Variants in P3H2 observed in about 807,000 individuals in gnomAD.
P3H2 encodes prolyl 3-hydroxylase 2, also known as leprecan-like 1.
Under a neutral mutation model 87.0 loss-of-function variants are expected in P3H2, and 80 were observed. The ratio of observed to expected loss-of-function variants is 0.92; its 90% CI spans 0.77 to 1.11. P3H2 has a LOEUF of 1.11. P3H2 is among the 50% of genes least tolerant of loss of function. P3H2 has a pLI of 0.00. For synonymous variants in P3H2, 367 were observed against 359.3 expected, an observed-to-expected ratio of 1.02 and a Z score of -0.24; for missense variants, 1,001 against 923.9, an observed-to-expected ratio of 1.08 and a Z score of -1.08.
rs892959464 is a variant in P3H2, at chr3:190,097,841, T to C, written c.480+22411A>G. Among the ~76,000 whole-genome samples the C allele has an allele frequency of 9.9e-5, 15 of 152,076 alleles. No individual in the cohort carries two copies. In the South Asian group the frequency reaches 1.9e-3, roughly 19 times the overall value. ...AAGGCATGCATGAGTCTGGAATGTA[T>C]TAAAGGAGGTCAGAGGCCTTAAACC... On this transcript the variant is annotated intron_variant, in intron 1 of 14. Coordinates refer to ENST00000319332, the MANE Select transcript of P3H2 (RefSeq NM_018192.4).
intron 1 of P3H2, among the ~76,000 whole-genome samples, chr3:190,016,521 G>A (rs971500616): frequency 2.0e-5 from 3 of 152,190 alleles, no homozygotes; most frequent in African/African-American, 7.2e-5. Context: ...TGGGATTACA[G>A]GCATGAGCCA....
intron 1 of P3H2, among the ~76,000 whole-genome samples, chr3:190,066,158 T>TACACACACACAC (rs796289092): frequency 4.5e-4 from 60 of 134,202 alleles, no homozygotes; most frequent in African/African-American, 1.6e-3. Flanking sequence ...TATATATATA[T>TACACACACACAC]ACACACACAC....
rs770166850 is a variant in P3H2 at position 189,995,457 on chromosome 3, A to T, written c.481-15T>A. On this transcript the variant is annotated splice_polypyrimidine_tract_variant and intron_variant, in intron 1 of 14. Transcript: ENST00000319332. ...AGCTGGTTAAGCTAAAGAGAAAAAA[A>T]AATGACCAAAATGAAGGCAAATATT... 125 of 1,611,516 alleles carry T rather than the reference A, an allele frequency of 7.8e-5. No homozygotes were observed. Among genetic ancestry groups the T allele is most frequent in the Non-Finnish European group, 1.0e-4 (123 of 1,179,782 alleles).
chr3:190,033,936 C>A (rs532754229), intron 1 of P3H2, among the ~76,000 whole-genome samples: 3 of 152,232 alleles, frequency 2.0e-5, no homozygotes, highest in South Asian at 4.1e-4. Flanking sequence ...CAGAAATTTG[C>A]GTACAGTGGT....
intron 1 of P3H2, among the ~76,000 whole-genome samples, chr3:190,110,660 A>G (rs838684): frequency 0.15 from 22,956 of 152,210 alleles, 1,805 homozygotes; most frequent in Non-Finnish European, 0.17. Context: ...ATTTGAGCTC[A>G]TTTTTAAAAA....
At chr3:190,086,431 C>T (rs1727213149) in intron 1 of P3H2, among the ~76,000 whole-genome samples, 1 of 152,164 alleles carries the variant, frequency 6.6e-6, no homozygotes, top group African/African-American at 2.4e-5. Flanking sequence ...ATGCCCAGCT[C>T]ATCTCTCTAA....
chr3:189,984,468 A>C, intron 7 of P3H2, 82 bp downstream of exon 7: 66 of 1,020,242 alleles, frequency 6.5e-5, no homozygotes, highest in Non-Finnish European at 9.4e-5. Flanking sequence ...CCTATTTCAT[A>C]GAGCTACATT....
chr3:190,057,337 G>T (rs1329354978), intron 1 of P3H2, among the ~76,000 whole-genome samples: 1 of 152,176 alleles, frequency 6.6e-6, no homozygotes, highest in Non-Finnish European at 1.5e-5. Flanking sequence ...GGACACGAAA[G>T]TCTGAGAAGC....
intron 1 of P3H2, among the ~76,000 whole-genome samples, chr3:190,089,204 C>A (rs901224158): frequency 6.6e-6 from 1 of 152,078 alleles, no homozygotes; most frequent in Non-Finnish European, 1.5e-5. Flanking sequence ...GAACATCACA[C>A]ACCGGGGCCT....
intron 10 of P3H2, 45 bp downstream of exon 10, chr3:189,973,864 G>T: frequency 7.0e-7 from 1 of 1,421,986 alleles, no homozygotes; most frequent in East Asian, 2.3e-5. Flanking sequence ...AGAAGCCTTA[G>T]GCTGACACTA....
At chr3:190,089,317 A>G (rs1004643295) in intron 1 of P3H2, among the ~76,000 whole-genome samples, 1 of 152,234 alleles carries the variant, frequency 6.6e-6, no homozygotes, top group South Asian at 2.1e-4. Context: ...ATGTATACAT[A>G]TGTAACAAAC....
At chr3:190,068,759 T>C (rs768509801) in intron 1 of P3H2, among the ~76,000 whole-genome samples, 2 of 152,136 alleles carry the variant, frequency 1.3e-5, no homozygotes, top group Admixed American at 6.6e-5. Context: ...TTTTTCTCGG[T>C]AAAATGACAG....
chr3:189,998,349 T>C (rs140056901), intron 1 of P3H2, among the ~76,000 whole-genome samples: 4 of 152,236 alleles, frequency 2.6e-5, no homozygotes, highest in African/African-American at 7.2e-5. Context: ...TTAATTTTCC[T>C]ACTTTATGCT....
At position 189,994,211 on chromosome 3, in the gene P3H2, C is replaced by T; in HGVS notation, c.706G>A (p.Ala236Thr). 6.2e-7 allele frequency: 1 copy of T among 1,613,878 alleles called. No homozygotes were observed. The highest frequency in any genetic ancestry group is 2.2e-5 in the East Asian group (1 of 44,880). The change falls in exon 3 of 15, where the codon GCC (alanine) becomes ACC (threonine). Residue 236 changes from alanine (A) to threonine (T), a missense_variant. Coordinates refer to ENST00000319332, the MANE Select transcript of P3H2 (RefSeq NM_018192.4). ...TCTTCAACGAAATATTCTCTTAAGG[C>T]TTGTTCGAAGTGCCTGATAGCCATC... ...FEMAIRHFEQ[A>T]LREYFVEDTE...
intron 1 of P3H2, among the ~76,000 whole-genome samples, chr3:190,106,658 C>T (rs1000591146): frequency 3.3e-5 from 5 of 152,098 alleles, no homozygotes; most frequent in South Asian, 2.1e-4. Context: ...CTCAAACAAC[C>T]GATATGTCAG....
chr3:190,034,819 T>C (rs998788025), intron 1 of P3H2, among the ~76,000 whole-genome samples: 6 of 151,394 alleles, frequency 4.0e-5, no homozygotes, highest in South Asian at 2.1e-4. Context: ...TTTAAAAATA[T>C]CTGGCCAAAT....
intron 1 of P3H2, among the ~76,000 whole-genome samples, chr3:190,119,170 GGGAGA>G (rs759762087): frequency 0.047 from 2,480 of 52,262 alleles, 309 homozygotes; most frequent in African/African-American, 0.17. Flanking sequence ...GGGAGGGGAG[GGGAGA>G]GGAGAGGAGA....
chr3:190,030,577 A>C (rs1315005271), intron 1 of P3H2, among the ~76,000 whole-genome samples: 1 of 152,230 alleles, frequency 6.6e-6, no homozygotes, highest in Non-Finnish European at 1.5e-5. Flanking sequence ...TAATTAAATG[A>C]ATAAATAATA....
chr3:189,982,633 C>T (rs1723571069), intron 8 of P3H2, among the ~76,000 whole-genome samples: 1 of 152,154 alleles, frequency 6.6e-6, no homozygotes. Context: ...CTAAGGTTAA[C>T]TAATCTAATA....
Sources: gnomAD v4.1 joint callset for allele counts (sites outside exome capture counted in the v4.1 genomes callset) on GRCh38, gnomAD v4.1.1 for gene constraint, MANE v1.5 for transcripts, NCBI Gene and HGNC (gene_info 2026-07-23, HGNC 2026-07-21) for gene names.